Variants in EPG5 observed in about 807,000 individuals in gnomAD.
The protein encoded by EPG5 is ectopic P-granules 5 autophagy tethering factor.
In EPG5, 159 loss-of-function variants were observed where a neutral mutation model predicts 302.7. The observed-to-expected ratio is 0.53, with a 90% CI of 0.46 to 0.60. EPG5 has a LOEUF of 0.60. Ranked by LOEUF, EPG5 falls within the 20% of genes least tolerant of loss-of-function variation. The probability of loss-of-function intolerance (pLI) is 0.00; values close to 1 mark genes in which losing one functional copy is unlikely to be tolerated. For synonymous variants in EPG5, 1,158 were observed against 1,136.8 expected (o/e 1.02, Z -0.37); for missense variants, 2,896 against 3,092.4 (o/e 0.94, Z 1.51).
chr18:45,894,289 A>G (rs1325409103), intron 27 of EPG5, among the ~76,000 whole-genome samples: 2 of 151,994 alleles, frequency 1.3e-5, no homozygotes, highest in Non-Finnish European at 2.9e-5. Flanking sequence ...GTGAAACCTC[A>G]TCGCTACTAA....
chr18:45,895,391 T>G (rs1319037591), intron 27 of EPG5, among the ~76,000 whole-genome samples: 1 of 152,132 alleles, frequency 6.6e-6, no homozygotes, highest in Non-Finnish European at 1.5e-5. Context: ...AGTAAATAGC[T>G]CTTTTGTTCG....
At chr18:45,929,154 C>T (rs536264735) in intron 12 of EPG5, 145 bp from the exon 13 acceptor site, 2 of 817,264 alleles carry the variant, frequency 2.4e-6, no homozygotes, top group Non-Finnish European at 3.7e-6. Flanking sequence ...GTTAAAACTT[C>T]ATACAGGCAA....
In EPG5 at chr18:45,852,287, A is replaced by G. The variant is rs2048433300; in HGVS notation, c.*180T>C. ...GGTCTTAAGAGCTAAGAAAACACACACACACACACACACACACCCCAAAAT... is the reference window on the plus strand; with the variant it reads ...GGTCTTAAGAGCTAAGAAAACACACGCACACACACACACACACCCCAAAAT... On this transcript the variant is annotated 3_prime_UTR_variant, in exon 44 of 44. Coordinates refer to ENST00000282041, the MANE Select transcript of EPG5 (RefSeq NM_020964.3). 1 of 548,384 alleles carries G rather than the reference A, an allele frequency of 1.8e-6. No homozygotes were observed. The highest frequency in any genetic ancestry group is 3.2e-6 in the Non-Finnish European group (1 of 314,090). 34.0% of individuals were successfully genotyped at this position (548,384 alleles called of 1,614,324 possible).
Position 45,866,936 on chromosome 18 carries a change from G to A in EPG5, c.6483C>T (p.Tyr2161=), listed in dbSNP as rs1413653727. The A allele has an allele frequency of 4.3e-6, 7 of 1,614,146 alleles. No homozygotes were observed. The South Asian group carries it at 7.7e-5, about 18-fold the overall frequency. Residue 2161 remains tyrosine (Y), a synonymous_variant, in exon 38 of 44, where the codon TAC becomes TAT. Transcript: ENST00000282041. The stretch of plus-strand genomic sequence containing the variant: ...TGCTGAAATAACTTAGCACACTCTG[G>A]TACGACACAATATCCACAAGATGCC... ...LSWHLVDIVS[Y]QSVLSYFSSH... is the part of the protein sequence containing the mutation.
chr18:45,809,031 A>G, the EPG5 span, among the ~76,000 whole-genome samples: 3 of 152,304 alleles, frequency 2.0e-5, no homozygotes, highest in African/African-American at 4.8e-5. Flanking sequence ...ACTTAAGGTA[A>G]AGGGGTGGAA....
At chr18:45,838,694 AG>A in the EPG5 span, 1 of 1,544,584 alleles carries the variant, frequency 6.5e-7, no homozygotes, top group Non-Finnish European at 8.7e-7. Flanking sequence ...CCCTTGTGAC[AG>A]TCACCCGCCT....
rs1242696420 is a variant in EPG5 at position 45,923,382 on chromosome 18, G to A, written c.2724C>T (p.Thr908=). ...GLNWGFAKQA[T]LHLDQAVHAE... is the part of the protein sequence containing the mutation. ...CATGGACTGCTTGATCCAGATGAAG[G>A]GTAGCCTTTTAAAGAGAAAAATAAT... The change falls in exon 15 of 44, where the codon ACC becomes ACT. Residue 908 remains threonine (T), a synonymous_variant. Transcript: ENST00000282041. The A allele has an allele frequency of 9.3e-6, 15 of 1,609,978 alleles. No homozygotes were observed. The highest frequency in any genetic ancestry group is 1.2e-5 in the Non-Finnish European group (14 of 1,178,950).
Position 45,870,386 on chromosome 18 carries a change from T to C in EPG5, c.6225+181A>G, listed in dbSNP as rs7233909. 0.14 allele frequency among the ~76,000 whole-genome samples: 21,340 copies of C among 151,992 alleles called. 2,016 individuals carry two copies. Among genetic ancestry groups the C allele is most frequent in the East Asian group, 0.35 (1,808 of 5,156 alleles). On this transcript the variant is annotated intron_variant, in intron 36 of 43. Transcript: ENST00000282041. The stretch of plus-strand genomic sequence containing the variant: ...TTTTAAAAATGGTCCTGTAGATGTT[T>C]TAACACGATAAAATGACTTCCACAA...
At chr18:45,935,954 C>G (rs2050513881) in intron 10 of EPG5, among the ~76,000 whole-genome samples, 2 of 152,170 alleles carry the variant, frequency 1.3e-5, no homozygotes, top group Non-Finnish European at 2.9e-5. Flanking sequence ...TGCACTATTA[C>G]AGAACTCCAT....
In EPG5 at chr18:45,878,381, G is replaced by T. The variant is rs150214973; in HGVS notation, c.5937C>A (p.Asn1979Lys). Residue 1979 changes from asparagine (N) to lysine (K), a missense_variant, in exon 34 of 44, where the codon AAC becomes AAA. By Grantham distance (94) the Asn-to-Lys change is moderately conservative. Around this residue, in one of 5 missense-constraint regions of EPG5, gnomAD observed 32 missense variants for 58.4 expected, o/e 0.55. Transcript: ENST00000282041. Reference protein sequence around the residue: ...FKPWILVLEDNESSQQRHYPW... With the variant: ...FKPWILVLEDKESSQQRHYPW... ...ATATCTAAAAAACTGTTTACCTTTCGTTGTCCTCTAAAACCAGGATCCATG... is the reference window on the plus strand; with the variant it reads ...ATATCTAAAAAACTGTTTACCTTTCTTTGTCCTCTAAAACCAGGATCCATG... 1.8e-5 allele frequency: 29 copies of T among 1,603,878 alleles called. No individual in the cohort carries two copies. Among genetic ancestry groups the T allele is most frequent in the African/African-American group, 1.5e-4 (11 of 74,808 alleles).
chr18:45,960,813 C>T (rs2051132414), intron 1 of EPG5, among the ~76,000 whole-genome samples: 2 of 151,876 alleles, frequency 1.3e-5, no homozygotes, highest in Admixed American at 1.3e-4. Flanking sequence ...AGAAAGTAAT[C>T]ATTTAAAACT....
chr18:45,852,492 A>C lies in EPG5; in HGVS notation c.7715T>G (p.Val2572Gly), dbSNP rs1568088524. 1 of 1,614,146 alleles carries C rather than the reference A, an allele frequency of 6.2e-7. No homozygotes were observed. Residue 2572 changes from valine (V) to glycine (G), a missense_variant, in exon 44 of 44, where the codon GTG (valine) becomes GGG (glycine). By Grantham distance (109) the Val-to-Gly change is moderately radical. This residue lies in a region of EPG5 where 620 missense variants were observed against 704.2 expected (regional missense o/e 0.88). Coordinates refer to ENST00000282041, the MANE Select transcript of EPG5 (RefSeq NM_020964.3). ...ALLVNCLYPE[V>G]HYLDHIR ...CTATCGTATGTGGTCCAAATAATGC[A>C]CTTCTGGATACAGACAGTTAACGAG...
chr18:45,920,245 T>C (rs560443810), intron 16 of EPG5, among the ~76,000 whole-genome samples: 179 of 152,272 alleles, frequency 1.2e-3, no homozygotes, highest in African/African-American at 4.1e-3. Context: ...CCTACCTTCA[T>C]AGAGCAAACA....
At chr18:45,931,848 T>C (rs1349256502) in intron 11 of EPG5, among the ~76,000 whole-genome samples, 2 of 150,942 alleles carry the variant, frequency 1.3e-5, no homozygotes, top group Admixed American at 1.3e-4. Flanking sequence ...AAAATAATAA[T>C]AATAAAATTA....
chr18:45,833,889 A>G, the EPG5 span, among the ~76,000 whole-genome samples: 1 of 152,012 alleles, frequency 6.6e-6, no homozygotes, highest in South Asian at 2.1e-4. Context: ...GAGGTGAACA[A>G]ATTAACCAAG....
chr18:45,944,298 A>G (rs1236238703), intron 7 of EPG5, among the ~76,000 whole-genome samples, 179 bp from the exon 8 acceptor site: 2 of 152,210 alleles, frequency 1.3e-5, no homozygotes, highest in African/African-American at 4.8e-5. Flanking sequence ...ACAGTTACAC[A>G]GTAAATCCCC....
At chr18:45,951,276 G>A (rs1282590645) in intron 3 of EPG5, 38 bp from the exon 4 acceptor site, 28 of 1,363,342 alleles carry the variant, frequency 2.1e-5, no homozygotes, top group Non-Finnish European at 2.4e-5. Flanking sequence ...TCTCATAAAT[G>A]GTGTTTTTGG....
At chr18:45,865,009 T>G (rs893508299) in intron 39 of EPG5, among the ~76,000 whole-genome samples, 1 of 152,188 alleles carries the variant, frequency 6.6e-6, no homozygotes, top group Non-Finnish European at 1.5e-5. Flanking sequence ...AGGCAGGCCC[T>G]GGGCTTTACC....
At chr18:45,876,015 C>A (rs1479197303) in intron 35 of EPG5, among the ~76,000 whole-genome samples, 1 of 151,534 alleles carries the variant, frequency 6.6e-6, no homozygotes, top group African/African-American at 2.4e-5. Context: ...CCAGATCACA[C>A]CACTGCACTC....
Sources: allele counts gnomAD v4.1 joint callset (sites outside exome capture counted in the v4.1 genomes callset), GRCh38; gene constraint gnomAD v4.1.1; regional missense constraint gnomAD v4.1.1; transcripts MANE v1.5; gene names NCBI Gene and HGNC (gene_info 2026-07-23, HGNC 2026-07-21).